The following GRIP1 variants were observed in gnomAD, a reference collection of about 807,000 sequenced individuals.
GRIP1 encodes glutamate receptor-interacting protein 1.
In GRIP1, 45 loss-of-function variants were observed where a neutral mutation model predicts 129.9. The ratio of observed to expected loss-of-function variants is 0.35; its 90% CI spans 0.27 to 0.44. The LOEUF (loss-of-function observed/expected upper bound fraction) is 0.44, where lower values mean the gene tolerates loss of function less well. Ranked by LOEUF, GRIP1 falls within the 20% of genes least tolerant of loss-of-function variation. The probability of loss-of-function intolerance (pLI) is 1.00; values close to 1 mark genes in which losing one functional copy is unlikely to be tolerated. For synonymous variants in GRIP1, 530 were observed against 520.8 expected, an observed-to-expected ratio of 1.02 and a Z score of -0.24; for missense variants, 1,196 against 1,396.8, an observed-to-expected ratio of 0.86 and a Z score of 2.29.
intron 1 of GRIP1, among the ~76,000 whole-genome samples, chr12:66,886,202 G>C (rs1449898447): frequency 1.3e-5 from 2 of 152,080 alleles, no homozygotes; most frequent in Admixed American, 6.5e-5. Context: ...GGAGTTGGAG[G>C]TTGCAGTGAG....
At chr12:66,489,978 G>A (rs1194278608) in intron 7 of GRIP1, among the ~76,000 whole-genome samples, 3 of 152,218 alleles carry the variant, frequency 2.0e-5, no homozygotes, top group African/African-American at 4.8e-5. Context: ...GGAAATCAGA[G>A]AGGACATAAA....
At chr12:66,576,297 G>A (rs1050858647) in intron 2 of GRIP1, among the ~76,000 whole-genome samples, 4 of 152,236 alleles carry the variant, frequency 2.6e-5, no homozygotes, top group African/African-American at 9.6e-5. Context: ...CCCAAAGCCT[G>A]CAAATCAGCA....
chr12:66,826,209 A>C lies in GRIP1; in HGVS notation c.59-229282T>G, dbSNP rs560850821. Among the ~76,000 whole-genome samples the C allele has an allele frequency of 9.9e-5, 15 of 152,252 alleles. No homozygotes were observed. In the South Asian group the frequency reaches 3.1e-3, roughly 32 times the overall value. On this transcript the variant is annotated intron_variant, in intron 1 of 1. Coordinates refer to the GRIP1 transcript ENST00000643019. ...CAGCAAACTAATGCACGAACAGAAA[A>C]CCAAACACCTCATGTTCTCACTCAT...
At chr12:66,572,242 A>G (rs2062987685) in intron 2 of GRIP1, among the ~76,000 whole-genome samples, 1 of 152,188 alleles carries the variant, frequency 6.6e-6, no homozygotes, top group Admixed American at 6.5e-5. Flanking sequence ...TAGCAGTCCA[A>G]TTCATTATCT....
At chr12:66,634,742 A>G (rs2031186226) in intron 1 of GRIP1, among the ~76,000 whole-genome samples, 1 of 152,220 alleles carries the variant, frequency 6.6e-6, no homozygotes, top group Non-Finnish European at 1.5e-5. Context: ...CACACATTTA[A>G]CTGAATGTGA....
rs531032870 is a variant in GRIP1, at chr12:66,553,935, A to G, written c.137-11985T>C. The stretch of plus-strand genomic sequence containing the variant: ...GCTCCGACAAGCCCCACCACAGTGG[A>G]CTAAAGTGGTTTGGGGCCCTAAATC... On this transcript the variant is annotated intron_variant, in intron 2 of 24. Coordinates refer to ENST00000359742, the MANE Select transcript of GRIP1 (RefSeq NM_001366722.1). 4.4e-4 allele frequency among the ~76,000 whole-genome samples: 67 copies of G among 152,176 alleles called. 1 individual carries two copies. In the Middle Eastern group the frequency reaches 0.02, roughly 46 times the overall value.
intron 2 of GRIP1, among the ~76,000 whole-genome samples, chr12:66,572,975 C>T (rs2063013659): frequency 6.6e-6 from 1 of 152,074 alleles, no homozygotes; most frequent in Non-Finnish European, 1.5e-5. Flanking sequence ...GTGGGCATGA[C>T]CTATGGCTTA....
intron 2 of GRIP1, among the ~76,000 whole-genome samples, chr12:66,587,054 C>T (rs1395432029): frequency 6.6e-6 from 1 of 152,242 alleles, no homozygotes; most frequent in Non-Finnish European, 1.5e-5. Context: ...TCATCCCTTA[C>T]ACCCTCAGCC....
intron 1 of GRIP1, among the ~76,000 whole-genome samples, chr12:66,642,921 G>T (rs1379296515): frequency 1.3e-5 from 2 of 152,100 alleles, no homozygotes; most frequent in Non-Finnish European, 2.9e-5. Flanking sequence ...GAGGCAAGTG[G>T]AATTGTTTTT....
chr12:67,058,030 A>C (rs1356297785), intron 1 of GRIP1, among the ~76,000 whole-genome samples: 2 of 152,262 alleles, frequency 1.3e-5, no homozygotes, highest in African/African-American at 4.8e-5. Flanking sequence ...GTTTGATTTC[A>C]TGAGGATATT....
chr12:66,478,857 C>T (rs2059707868), intron 7 of GRIP1, among the ~76,000 whole-genome samples: 1 of 152,062 alleles, frequency 6.6e-6, no homozygotes, highest in African/African-American at 2.4e-5. Context: ...GGAAGGGGAA[C>T]ATCACACCCT....
At chr12:66,867,807 G>A (rs2040231612) in intron 1 of GRIP1, among the ~76,000 whole-genome samples, 1 of 152,122 alleles carries the variant, frequency 6.6e-6, no homozygotes, top group Non-Finnish European at 1.5e-5. Context: ...ACAACTTTCT[G>A]TAGGGTTATG....
At chr12:66,463,335 A>T (rs1188441873) in intron 8 of GRIP1, among the ~76,000 whole-genome samples, 3 of 95,698 alleles carry the variant, frequency 3.1e-5, no homozygotes, top group African/African-American at 1.3e-4. Flanking sequence ...GTCTTTCTTT[A>T]AAAAAAAAAT....
chr12:66,809,550 T>C (rs1303167290), intron 1 of GRIP1, among the ~76,000 whole-genome samples: 1 of 152,150 alleles, frequency 6.6e-6, no homozygotes, highest in Non-Finnish European at 1.5e-5. Flanking sequence ...AATGGTATTC[T>C]CATTAGACCC....
Position 66,481,869 on chromosome 12 carries a change from G to A in GRIP1, c.725-16447C>T, listed in dbSNP as rs562677528. On this transcript the variant is annotated intron_variant, in intron 7 of 24. Transcript: ENST00000359742. ...AGGAACAGGAAACCAAACACCGCAC[G>A]TTCTCACTCATAAGTGGGAATTGAA... Among the ~76,000 whole-genome samples the A allele has an allele frequency of 4.3e-3, 645 of 151,070 alleles. 5 individuals are homozygous for A. Among genetic ancestry groups the A allele is most frequent in the Non-Finnish European group, 7.5e-3 (508 of 67,900 alleles).
chr12:66,766,128 T>A (rs2037629026), intron 1 of GRIP1, among the ~76,000 whole-genome samples: 1 of 152,168 alleles, frequency 6.6e-6, no homozygotes, highest in Admixed American at 6.5e-5. Flanking sequence ...GTGATATAAG[T>A]GACTGGCTGA....
intron 7 of GRIP1, among the ~76,000 whole-genome samples, chr12:66,470,569 GA>G (rs1220187338): frequency 5.3e-5 from 8 of 152,088 alleles, no homozygotes; most frequent in African/African-American, 1.9e-4. Context: ...TGGACACGAT[GA>G]AGAGGACATT....
intron 7 of GRIP1, among the ~76,000 whole-genome samples, chr12:66,507,057 C>A (rs1351590557): frequency 6.6e-6 from 1 of 152,088 alleles, no homozygotes; most frequent in East Asian, 1.9e-4. Context: ...AGTCGGTAAC[C>A]CACAAGGAAG....
At chr12:66,766,104 A>G (rs947931090) in intron 1 of GRIP1, among the ~76,000 whole-genome samples, 5 of 152,188 alleles carry the variant, frequency 3.3e-5, no homozygotes, top group African/African-American at 1.2e-4. Context: ...AAACACATAA[A>G]GCTCATCCAC....
Sources: allele counts gnomAD v4.1 joint callset (sites outside exome capture counted in the v4.1 genomes callset), GRCh38; gene constraint gnomAD v4.1.1; transcripts MANE v1.5; gene names NCBI Gene and HGNC (gene_info 2026-07-23, HGNC 2026-07-21).